The following AGPS variants were observed in gnomAD, a reference collection of about 807,000 sequenced individuals.
AGPS encodes the protein alkyldihydroxyacetonephosphate synthase, peroxisomal.
AGPS carries 26 observed loss-of-function variants against 90.7 expected under a neutral mutation model. The observed-to-expected ratio is 0.29, with a 90% confidence interval of 0.21 to 0.40. AGPS has a LOEUF of 0.40. Among genes scored for constraint, AGPS ranks in the 10% least tolerant of loss-of-function variants. The probability of loss-of-function intolerance (pLI) is 1.00; values close to 1 mark genes in which losing one functional copy is unlikely to be tolerated. For synonymous variants in AGPS, 294 were observed against 285.3 expected (o/e 1.03, Z -0.31); for missense variants, 540 against 816.1 (o/e 0.66, Z 4.12).
chr2:177,495,745 TAA>T (rs375905234), intron 12 of AGPS, among the ~76,000 whole-genome samples: 2 of 140,176 alleles, frequency 1.4e-5, no homozygotes. Context: ...CTGTCTCTAC[TAA>T]AAAAAAAAAA....
chr2:177,403,414 G>A (rs1479390123), intron 1 of AGPS, among the ~76,000 whole-genome samples: 1 of 152,148 alleles, frequency 6.6e-6, no homozygotes, highest in Non-Finnish European at 1.5e-5. Flanking sequence ...AAGAATTAGG[G>A]TAGGAAAATC....
intron 14 of AGPS, among the ~76,000 whole-genome samples, chr2:177,503,988 T>G (rs1688636488): frequency 6.6e-6 from 1 of 152,220 alleles, no homozygotes; most frequent in Non-Finnish European, 1.5e-5. Flanking sequence ...AGTAAGACTT[T>G]TTGTCTCATC....
intron 15 of AGPS, among the ~76,000 whole-genome samples, chr2:177,506,396 A>G (rs1449020042): frequency 1.3e-5 from 2 of 151,890 alleles, no homozygotes; most frequent in Admixed American, 1.3e-4. Context: ...CAGGGTACGT[A>G]TGATATTTTG....
At chr2:177,443,763 A>T (rs1686684006) in intron 7 of AGPS, among the ~76,000 whole-genome samples, 1 of 152,238 alleles carries the variant, frequency 6.6e-6, no homozygotes, top group Non-Finnish European at 1.5e-5. Flanking sequence ...ATTTCCTCAG[A>T]AGATAGCTGA....
At chr2:177,445,758 C>T in intron 8 of AGPS, 132 bp downstream of exon 8, 1 of 636,836 alleles carries the variant, frequency 1.6e-6, no homozygotes. Flanking sequence ...TACATTCATT[C>T]ACTCAAAGAA....
chr2:177,414,543 A>C (rs917433085), intron 1 of AGPS, among the ~76,000 whole-genome samples: 5 of 152,188 alleles, frequency 3.3e-5, no homozygotes, highest in African/African-American at 1.2e-4. Flanking sequence ...GTGGACTATA[A>C]AAAGTTGACT....
intron 15 of AGPS, 65 bp downstream of exon 15, chr2:177,505,640 A>C: frequency 7.2e-7 from 1 of 1,393,156 alleles, no homozygotes; most frequent in Non-Finnish European, 1.0e-6. Flanking sequence ...TTCTTACTTT[A>C]AGTGAATGCA....
intron 1 of AGPS, among the ~76,000 whole-genome samples, chr2:177,400,977 A>C (rs868559416): frequency 6.6e-6 from 1 of 152,238 alleles, no homozygotes; most frequent in African/African-American, 2.4e-5. Context: ...GAATTCTCTT[A>C]TCACTTTAGT....
intron 8 of AGPS, among the ~76,000 whole-genome samples, chr2:177,447,684 C>A (rs1157293323): frequency 6.6e-6 from 1 of 151,618 alleles, no homozygotes; most frequent in Non-Finnish European, 1.5e-5. Flanking sequence ...AGACTAGGAA[C>A]TTCTGATATT....
At chr2:177,535,216 G>A (rs975760551) in intron 19 of AGPS, among the ~76,000 whole-genome samples, 9 of 152,174 alleles carry the variant, frequency 5.9e-5, no homozygotes, top group African/African-American at 2.2e-4. Context: ...ATGCCTTTCA[G>A]TAGATAACTA....
intron 1 of AGPS, among the ~76,000 whole-genome samples, chr2:177,396,937 C>CTTTACTT (rs1685192866): frequency 7.3e-6 from 1 of 137,376 alleles, no homozygotes; most frequent in Non-Finnish European, 1.6e-5. Context: ...ACTTCTTTTT[C>CTTTACTT]TTTTCTTTTT....
intron 1 of AGPS, among the ~76,000 whole-genome samples, chr2:177,401,377 C>T (rs1685326368): frequency 6.6e-6 from 1 of 152,074 alleles, no homozygotes; most frequent in Admixed American, 6.5e-5. Context: ...ATAATTAATT[C>T]TGCAGTCACT....
intron 11 of AGPS, among the ~76,000 whole-genome samples, chr2:177,492,916 T>TAAAC (rs60954001): frequency 6.6e-6 from 1 of 151,300 alleles, no homozygotes; most frequent in Non-Finnish European, 1.5e-5. Flanking sequence ...TGTTAACTTA[T>TAAAC]GTTTGTATTT....
chr2:177,440,593 G>C (rs970022590), intron 5 of AGPS, among the ~76,000 whole-genome samples: 1 of 152,126 alleles, frequency 6.6e-6, no homozygotes, highest in Non-Finnish European at 1.5e-5. Context: ...GTTGATTCTG[G>C]TCCAGAAAAG....
intron 19 of AGPS, among the ~76,000 whole-genome samples, chr2:177,536,944 AT>A (rs1460107929): frequency 6.6e-6 from 1 of 152,196 alleles, no homozygotes; most frequent in Non-Finnish European, 1.5e-5. Flanking sequence ...ATGGGAATGC[AT>A]TATAGAATGA....
chr2:177,458,908 T>C (rs1004856193), intron 8 of AGPS, among the ~76,000 whole-genome samples: 14 of 152,196 alleles, frequency 9.2e-5, no homozygotes, highest in Non-Finnish European at 5.9e-5. Context: ...GGCATCATGC[T>C]ACCTGACTTC....
intron 1 of AGPS, among the ~76,000 whole-genome samples, chr2:177,404,697 T>G (rs1685419296): frequency 6.6e-6 from 1 of 152,252 alleles, no homozygotes; most frequent in Admixed American, 6.5e-5. Flanking sequence ...AGAAAGGTTC[T>G]GCTTTTTTCT....
Position 177,487,341 on chromosome 2 carries a change from G to A in AGPS, c.1233+5155G>A, listed in dbSNP as rs534249339. 4.6e-5 allele frequency among the ~76,000 whole-genome samples: 7 copies of A among 152,108 alleles called. 1 individual carries two copies. Among genetic ancestry groups the A allele is most frequent in the South Asian group, 2.1e-4 (1 of 4,818 alleles). The stretch of plus-strand genomic sequence containing the variant: ...CTTCTCAGTAAAACCTAGTTTCTTC[G>A]AACTAGGTTTTTAGAATTATAGATG... On this transcript the variant is annotated intron_variant, in intron 11 of 19. Coordinates refer to ENST00000264167, the MANE Select transcript of AGPS (RefSeq NM_003659.4).
At chr2:177,476,072 C>T (rs541006568) in intron 10 of AGPS, among the ~76,000 whole-genome samples, 16 of 151,668 alleles carry the variant, frequency 1.1e-4, no homozygotes, top group African/African-American at 3.1e-4. Context: ...CTTTTTTTCT[C>T]GGTCACTTTA....
Sources: allele counts gnomAD v4.1 joint callset (sites outside exome capture counted in the v4.1 genomes callset), GRCh38; gene constraint gnomAD v4.1.1; transcripts MANE v1.5; gene names NCBI Gene and HGNC (gene_info 2026-07-23, HGNC 2026-07-21).